SMARCD3: variants seen among roughly 807,000 people sequenced by gnomAD.
SMARCD3 encodes the protein SWI/SNF-related matrix-associated actin-dependent regulator of chromatin subfamily D member 3.
In SMARCD3, 14 loss-of-function variants were observed where a neutral mutation model predicts 58.0. The ratio of observed to expected loss-of-function variants is 0.24; its 90% CI spans 0.16 to 0.38. The LOEUF (loss-of-function observed/expected upper bound fraction) is 0.38, where lower values mean the gene tolerates loss of function less well. Among genes scored for constraint, SMARCD3 ranks in the 10% least tolerant of loss-of-function variants. The probability of loss-of-function intolerance (pLI) is 1.00; values close to 1 mark genes in which losing one functional copy is unlikely to be tolerated. For synonymous variants in SMARCD3, 253 were observed against 253.8 expected (o/e 1.00, Z 0.03); for missense variants, 408 against 636.9 (o/e 0.64, Z 3.87).
Position 151,238,825 on chromosome 7 carries a change from G to A in SMARCD3, c.*278C>T, listed in dbSNP as rs148895796. On this transcript the variant is annotated 3_prime_UTR_variant, in exon 13 of 13. Transcript: ENST00000262188. ...TATTAAACATGTCTTCTGCCAAACT[G>A]TTTTTAGGTCTAGGGAAAATTGAGT... 36 of 1,526,260 alleles carry A rather than the reference G, an allele frequency of 2.4e-5. No individual in the cohort carries two copies. The African/African-American group carries it at 4.7e-4, about 20-fold the overall frequency. The allele number at this position is 1,526,260 out of a possible 1,614,324, so 94.5% of individuals were successfully genotyped here. A position where few individuals can be genotyped will look rare whatever the true frequency, so the allele number is the denominator to read the frequency against.
Position 151,242,221 on chromosome 7 carries a change from C to T in SMARCD3, c.591G>A (p.Gln197=), listed in dbSNP as rs1239238891. The T allele has an allele frequency of 6.2e-7, 1 of 1,613,880 alleles. No homozygotes were observed. The highest frequency in any genetic ancestry group is 8.5e-7 in the Non-Finnish European group (1 of 1,179,870). ...TGAAGAAAGAAGAGAACTTCCGCTT[C>T]TGTTTGCTGGGCTGTGGGAGAGCAA... ...EGKLLDDPSK[Q]KRKFSSFFKS... is the part of the protein sequence containing the mutation. Residue 197 remains glutamine, a synonymous_variant, in exon 6 of 13, where the codon CAG becomes CAA. Coordinates refer to ENST00000262188, the MANE Select transcript of SMARCD3 (RefSeq NM_001003801.2). This position sits in a 1 kb window ranked among gnomAD's most constrained non-coding sequence, Gnocchi z 4.7.
At chr7:151,270,729 T>C (rs978777202) in intron 2 of SMARCD3, among the ~76,000 whole-genome samples, 1 of 151,994 alleles carries the variant, frequency 6.6e-6, no homozygotes, top group Non-Finnish European at 1.5e-5. Context: ...CACTAGGAAG[T>C]GGAAGGCGGA....
rs559447416 is a variant in SMARCD3, at chr7:151,245,766, C to A, written c.79-95G>T. 169 of 383,588 alleles carry A rather than the reference C, an allele frequency of 4.4e-4. No homozygotes were observed. Among genetic ancestry groups the A allele is most frequent in the Admixed American group, 2.8e-3 (62 of 22,074 alleles). 23.8% of individuals were successfully genotyped at this position (383,588 alleles called of 1,614,324 possible). On this transcript the variant is annotated intron_variant, in intron 1 of 12. Transcript: ENST00000262188. The surrounding 1 kb of genome is among the most constrained non-coding windows in gnomAD (Gnocchi z 6.2). Reference sequence around the variant, plus strand: ...CGGTGAGCCGGCGTCTCCCCTCCCCCACCAGACCCTCGGCTGGTGACCCTG... The same window carrying A: ...CGGTGAGCCGGCGTCTCCCCTCCCCAACCAGACCCTCGGCTGGTGACCCTG...
At position 151,248,648 on chromosome 7, in the gene SMARCD3, C is replaced by A; in HGVS notation, c.-86G>T. 6.3e-7 allele frequency: 1 copy of A among 1,581,580 alleles called. No homozygotes were observed. The highest frequency in any genetic ancestry group is 1.1e-5 in the South Asian group (1 of 87,860). On this transcript the variant is annotated 5_prime_UTR_variant, in exon 1 of 13. Transcript: ENST00000262188. The surrounding 1 kb of genome is among the most constrained non-coding windows in gnomAD (Gnocchi z 6.1). The stretch of plus-strand genomic sequence containing the variant: ...TGCCTTTTTTTTTCCTCCAACTCTC[C>A]CCTCTGAGTCCTGCTGGGCTCTCTC...
chr7:151,270,547 G>A (rs1795143868), intron 2 of SMARCD3, among the ~76,000 whole-genome samples: 1 of 152,194 alleles, frequency 6.6e-6, no homozygotes, highest in African/African-American at 2.4e-5. Flanking sequence ...AAGAGAGTGG[G>A]TGGGCCTTCA....
At chr7:151,257,092 T>C (rs1402661351) in intron 2 of SMARCD3, among the ~76,000 whole-genome samples, 2 of 152,224 alleles carry the variant, frequency 1.3e-5, no homozygotes, top group Admixed American at 6.5e-5. Context: ...AATCTCACTA[T>C]GTTGCTTGGG....
chr7:151,254,092 C>T (rs768008606), intron 2 of SMARCD3, among the ~76,000 whole-genome samples: 7 of 152,196 alleles, frequency 4.6e-5, no homozygotes, highest in Non-Finnish European at 8.8e-5. Flanking sequence ...CAGTCTTTCC[C>T]TCTCCTCCTC....
Position 151,241,669 on chromosome 7 carries a change from T to C in SMARCD3, c.778-16A>G, listed in dbSNP as rs936602358. Reference sequence around the variant, plus strand: ...ACTGGGGAGGCTGGGAAAAGGGGACTGTGAAAGTTAGACCAAAGGGAGAGA... The same window carrying C: ...ACTGGGGAGGCTGGGAAAAGGGGACCGTGAAAGTTAGACCAAAGGGAGAGA... On this transcript the variant is annotated splice_polypyrimidine_tract_variant and intron_variant, in intron 7 of 12. Transcript: ENST00000262188. The surrounding 1 kb of genome is among the most constrained non-coding windows in gnomAD (Gnocchi z 5.3). 16 of 1,605,642 alleles carry C rather than the reference T, an allele frequency of 1.0e-5. No homozygotes were observed. The highest frequency in any genetic ancestry group is 1.4e-5 in the Non-Finnish European group (16 of 1,175,512).
At position 151,243,812 on chromosome 7, in the gene SMARCD3, C is replaced by T; in HGVS notation, c.291-111G>A. On this transcript the variant is annotated intron_variant, in intron 2 of 12. Coordinates refer to ENST00000262188, the MANE Select transcript of SMARCD3 (RefSeq NM_001003801.2). This position sits in a 1 kb window ranked among gnomAD's most constrained non-coding sequence, Gnocchi z 4.4. ...TCCGCCCGCCTGGCTGGGGTTCCCA[C>T]AGCCCACTTGTCTGCCCGCCCAAGG... is the stretch of plus-strand genomic sequence containing the variant. 2.4e-6 allele frequency: 2 copies of T among 818,752 alleles called. No homozygotes were observed. Among genetic ancestry groups the T allele is most frequent in the South Asian group, 1.4e-5 (1 of 73,568 alleles). 50.7% of individuals were successfully genotyped at this position (818,752 alleles called of 1,614,324 possible).
At position 151,242,643 on chromosome 7, in the gene SMARCD3, C is replaced by T. The variant is rs772452716; in HGVS notation, c.457-40G>A. ...TGCAGAACCGGGCGAATGCTGTGTG[C>T]TCCCACCCCGACCACCCTGCTTCCC... On this transcript the variant is annotated intron_variant, in intron 4 of 12. Transcript: ENST00000262188. This position sits in a 1 kb window ranked among gnomAD's most constrained non-coding sequence, Gnocchi z 4.7. The T allele has an allele frequency of 6.1e-5, 98 of 1,612,142 alleles. No individual in the cohort carries two copies. Among genetic ancestry groups the T allele is most frequent in the Non-Finnish European group, 8.0e-5 (94 of 1,178,440 alleles).
At chr7:151,244,471 T>C (rs1053009203) in intron 2 of SMARCD3, among the ~76,000 whole-genome samples, 1 of 152,094 alleles carries the variant, frequency 6.6e-6, no homozygotes, top group African/African-American at 2.4e-5. Flanking sequence ...GCCCAGAGAA[T>C]AGCTCCATAC....
chr7:151,268,161 A>G (rs781470725), intron 2 of SMARCD3, among the ~76,000 whole-genome samples: 12 of 152,200 alleles, frequency 7.9e-5, no homozygotes, highest in Non-Finnish European at 1.8e-4. Context: ...CAGGGCAGAT[A>G]GGTTTTGCTC....
intron 2 of SMARCD3, among the ~76,000 whole-genome samples, chr7:151,260,678 C>G (rs1803889082): frequency 6.6e-6 from 1 of 152,156 alleles, no homozygotes; most frequent in Non-Finnish European, 1.5e-5. Context: ...GTTACCCCGA[C>G]ATAGCCAAGC....
rs1041738845 is a variant in SMARCD3 at position 151,259,413 on chromosome 7, G to T, written c.40-13742C>A. Among the ~76,000 whole-genome samples the T allele has an allele frequency of 5.4e-5, 8 of 149,188 alleles. No individual in the cohort carries two copies. In the East Asian group the frequency reaches 1.6e-3, roughly 29 times the overall value. On this transcript the variant is annotated intron_variant, in intron 2 of 13. Transcript: ENST00000356800. ...AGGGGCTGTGTGTGTGTGTGTGTATGTGTGTGTGTGTGTGTTTCTAAAGGA... is the reference window on the plus strand; with the variant it reads ...AGGGGCTGTGTGTGTGTGTGTGTATTTGTGTGTGTGTGTGTTTCTAAAGGA...
At position 151,248,476 on chromosome 7, in the gene SMARCD3, C is replaced by T; in HGVS notation, c.78+9G>A. 1.2e-6 allele frequency: 2 copies of T among 1,609,240 alleles called. No homozygotes were observed. Among genetic ancestry groups the T allele is most frequent in the Non-Finnish European group, 1.7e-6 (2 of 1,176,118 alleles). On this transcript the variant is annotated intron_variant, in intron 1 of 12. Coordinates refer to ENST00000262188, the MANE Select transcript of SMARCD3 (RefSeq NM_001003801.2). The surrounding 1 kb of genome is among the most constrained non-coding windows in gnomAD (Gnocchi z 6.1). ...GCTTGCCCTCCCCCGCTAACTTTCC[C>T]CCACTCACCACCCCATGGACCAGAA...
At chr7:151,240,719 A>G in intron 8 of SMARCD3, 197 bp from the exon 9 acceptor site, 1 of 508,746 alleles carries the variant, frequency 2.0e-6, no homozygotes, top group East Asian at 3.4e-5. Context: ...GGGGTGGGTC[A>G]GTGTGGGGCA....
chr7:151,247,208 GA>G (rs1466371562), intron 1 of SMARCD3, among the ~76,000 whole-genome samples: 1 of 152,092 alleles, frequency 6.6e-6, no homozygotes, highest in Admixed American at 6.5e-5. Context: ...AGCCACTCAA[GA>G]ACTGAAGCTG....
intron 2 of SMARCD3, among the ~76,000 whole-genome samples, chr7:151,254,856 A>G (rs575542674): frequency 6.6e-6 from 1 of 152,334 alleles, no homozygotes; most frequent in Non-Finnish European, 1.5e-5. Flanking sequence ...CAATCACTGC[A>G]TTCTGGGGTC....
chr7:151,273,840 C>T (rs539232368), intron 2 of SMARCD3, among the ~76,000 whole-genome samples: 1 of 152,318 alleles, frequency 6.6e-6, no homozygotes, highest in East Asian at 1.9e-4. Flanking sequence ...AGCCGGTGCC[C>T]TGCCCCATTT....
Sources: gnomAD v4.1 joint callset for allele counts (sites outside exome capture counted in the v4.1 genomes callset) on GRCh38, gnomAD v4.1.1 for gene constraint, Gnocchi (gnomAD v3.1) non-coding constraint, MANE v1.5 for transcripts, NCBI Gene and HGNC (gene_info 2026-07-23, HGNC 2026-07-21) for gene names.